RAPGEF6: variants seen among roughly 807,000 people sequenced by gnomAD.
RAPGEF6 encodes the protein Rap guanine nucleotide exchange factor 6.
A neutral mutation model predicts 171.4 loss-of-function variants in RAPGEF6; 56 were observed. The observed-to-expected ratio is 0.33, with a 90% CI of 0.26 to 0.41. The LOEUF (loss-of-function observed/expected upper bound fraction) is 0.41, where lower values mean the gene tolerates loss of function less well. RAPGEF6 is among the 10% of genes least tolerant of loss of function. The pLI, the probability that RAPGEF6 is intolerant of heterozygous loss-of-function variation, is 1.00. For synonymous variants in RAPGEF6, 692 were observed against 650.1 expected (o/e 1.06, Z -0.98); for missense variants, 1,674 against 1,921.4 (o/e 0.87, Z 2.41).
intron 1 of RAPGEF6, among the ~76,000 whole-genome samples, chr5:131,629,564 G>A (rs1308080566): frequency 6.7e-6 from 1 of 149,782 alleles, no homozygotes; most frequent in African/African-American, 2.5e-5. Context: ...GATCAACCTG[G>A]GCAACATAGC....
rs774864007 is a variant in RAPGEF6, at chr5:131,431,111, G to C, written c.4213C>G (p.Pro1405Ala). The C allele has an allele frequency of 6.2e-7, 1 of 1,614,186 alleles. No homozygotes were observed. Among genetic ancestry groups the C allele is most frequent in the Non-Finnish European group, 8.5e-7 (1 of 1,180,030 alleles). Residue 1405 changes from proline to alanine, a missense_variant, in exon 26 of 28, where the codon CCC (proline) becomes GCC (alanine). By Grantham distance (27) the Pro-to-Ala change is conservative. Around this residue, in one of 3 missense-constraint regions of RAPGEF6, gnomAD observed 552 missense variants for 574.2 expected, o/e 0.96. Coordinates refer to ENST00000509018, the MANE Select transcript of RAPGEF6 (RefSeq NM_016340.6). ...CAGGAATAGGGCTCAGAGTCAGTGG[G>C]TTCAACTTCAGCAATGGGGTCATCC... is the stretch of plus-strand genomic sequence containing the variant. Reference protein sequence around the residue: ...HLDDPIAEVEPTDSEPYSCSK... With the variant: ...HLDDPIAEVEATDSEPYSCSK...
At chr5:131,429,492 C>G (rs1421128002) in intron 26 of RAPGEF6, among the ~76,000 whole-genome samples, 1 of 151,804 alleles carries the variant, frequency 6.6e-6, no homozygotes, top group Non-Finnish European at 1.5e-5. Context: ...TGCAATTCAG[C>G]CCCCATATCA....
At chr5:131,541,620 G>A (rs1283726787) in intron 6 of RAPGEF6, among the ~76,000 whole-genome samples, 2 of 151,620 alleles carry the variant, frequency 1.3e-5, no homozygotes, top group East Asian at 3.9e-4. Context: ...GCCTCTCAAA[G>A]TGCTAGAATT....
At chr5:131,534,498 C>G (rs928778256) in intron 6 of RAPGEF6, among the ~76,000 whole-genome samples, 2 of 151,944 alleles carry the variant, frequency 1.3e-5, no homozygotes, top group Admixed American at 6.6e-5. Context: ...ATACACAATA[C>G]CCGCATTTAA....
At chr5:131,634,449 G>GTGACAGTCTGAAAAAGAACATGATACA (rs1766505797) in intron 1 of RAPGEF6, among the ~76,000 whole-genome samples, 3 of 152,152 alleles carry the variant, frequency 2.0e-5, no homozygotes, top group Admixed American at 1.3e-4. Context: ...ACCTACAGTG[G>GTGACAGTCTGAAAAAGAACATGATACA]TGTTCTTTAA....
intron 6 of RAPGEF6, 76 bp downstream of exon 6, chr5:131,547,971 C>G: frequency 6.7e-7 from 1 of 1,495,686 alleles, no homozygotes; most frequent in African/African-American, 1.4e-5. Context: ...TTGATATTAC[C>G]AAAGATACAT....
At chr5:131,608,013 A>G (rs1011981932) in intron 1 of RAPGEF6, among the ~76,000 whole-genome samples, 1 of 152,266 alleles carries the variant, frequency 6.6e-6, no homozygotes, top group Non-Finnish European at 1.5e-5. Context: ...GTCCTGAACT[A>G]AGACTGATTC....
intron 26 of RAPGEF6, among the ~76,000 whole-genome samples, chr5:131,429,422 T>C (rs1032062085): frequency 1.3e-5 from 2 of 152,188 alleles, no homozygotes; most frequent in African/African-American, 4.8e-5. Flanking sequence ...TATTAAGTCC[T>C]GTAAACATTA....
chr5:131,630,749 G>C (rs1401471266), intron 1 of RAPGEF6, among the ~76,000 whole-genome samples: 1 of 152,072 alleles, frequency 6.6e-6, no homozygotes, highest in Admixed American at 6.5e-5. Context: ...GACGACAGAT[G>C]GTTCAAAATA....
intron 7 of RAPGEF6, among the ~76,000 whole-genome samples, chr5:131,519,619 C>A (rs1758340477): frequency 6.6e-6 from 1 of 152,172 alleles, no homozygotes; most frequent in Admixed American, 6.5e-5. Context: ...TCATGCTGGT[C>A]TTGAACTCCT....
intron 4 of RAPGEF6, among the ~76,000 whole-genome samples, chr5:131,571,440 G>A (rs1006919168): frequency 1.4e-4 from 22 of 151,982 alleles, no homozygotes; most frequent in Admixed American, 1.3e-3. Flanking sequence ...GATCACTTAC[G>A]TACAAAAATA....
chr5:131,495,779 G>C (rs1399293377), intron 12 of RAPGEF6, 119 bp from the exon 13 acceptor site: 1 of 1,376,694 alleles, frequency 7.3e-7, no homozygotes, highest in Non-Finnish European at 9.6e-7. Flanking sequence ...TCCCTCCCTT[G>C]TGTAAAAAAG....
intron 5 of RAPGEF6, among the ~76,000 whole-genome samples, chr5:131,554,485 T>C (rs917406225): frequency 1.3e-5 from 2 of 152,226 alleles, no homozygotes; most frequent in African/African-American, 2.4e-5. Flanking sequence ...TAAATTCTTA[T>C]CAGTTTAGCT....
chr5:131,613,325 G>T (rs1765056593), intron 1 of RAPGEF6, among the ~76,000 whole-genome samples: 1 of 152,136 alleles, frequency 6.6e-6, no homozygotes, highest in African/African-American at 2.4e-5. Context: ...CAGGAGAATA[G>T]TGTGAACCCA....
intron 21 of RAPGEF6, among the ~76,000 whole-genome samples, chr5:131,448,772 TG>T (rs935655156): frequency 3.3e-5 from 5 of 152,186 alleles, no homozygotes; most frequent in African/African-American, 1.2e-4. Context: ...TGAATGAACG[TG>T]AAACATGTTA....
intron 4 of RAPGEF6, among the ~76,000 whole-genome samples, chr5:131,575,010 C>T (rs938323435): frequency 4.6e-5 from 7 of 152,130 alleles, no homozygotes; most frequent in East Asian, 1.9e-4. Context: ...TCAGGATCTT[C>T]GCTTTATTAA....
chr5:131,555,917 T>C (rs1437474311), intron 5 of RAPGEF6, among the ~76,000 whole-genome samples: 2 of 152,204 alleles, frequency 1.3e-5, no homozygotes, highest in African/African-American at 4.8e-5. Context: ...CAGTATAGCC[T>C]ACTACTTATC....
intron 1 of RAPGEF6, among the ~76,000 whole-genome samples, chr5:131,611,103 A>G (rs573854641): frequency 4.1e-4 from 62 of 152,298 alleles, no homozygotes; most frequent in Non-Finnish European, 7.2e-4. Flanking sequence ...CCACTGTTAC[A>G]GTGCAGTCTA....
intron 3 of RAPGEF6, among the ~76,000 whole-genome samples, chr5:131,596,507 C>A (rs80299967): frequency 0.027 from 4,060 of 151,834 alleles, 193 homozygotes; most frequent in African/African-American, 0.093. Context: ...AATGCAAATA[C>A]CCTACTTTCA....
Sources: gnomAD v4.1 joint callset for allele counts (sites outside exome capture counted in the v4.1 genomes callset) on GRCh38, gnomAD v4.1.1 for gene constraint, gnomAD v4.1.1 regional missense constraint, MANE v1.5 for transcripts, NCBI Gene and HGNC (gene_info 2026-07-23, HGNC 2026-07-21) for gene names.